The following FOXK1 variants were observed in gnomAD, a reference collection of about 807,000 sequenced individuals.
The protein encoded by FOXK1 is forkhead box protein K1.
In FOXK1, 19 loss-of-function variants were observed where a neutral mutation model predicts 51.9. The observed-to-expected ratio is 0.37, with a 90% CI of 0.26 to 0.54. The LOEUF (loss-of-function observed/expected upper bound fraction) is 0.54. FOXK1 is among the 20% of genes least tolerant of loss of function. The pLI is 0.87. For synonymous variants in FOXK1, 537 were observed against 482.6 expected (o/e 1.11, Z -1.48); for missense variants, 870 against 1,032.7 (o/e 0.84, Z 2.16).
chr7:4,718,160 A>G (rs1583193419), intron 1 of FOXK1, among the ~76,000 whole-genome samples: 1 of 152,176 alleles, frequency 6.6e-6, no homozygotes, highest in Non-Finnish European at 1.5e-5. Flanking sequence ...TGCACAGCCC[A>G]CCAGCCTCCT....
At position 4,688,713 on chromosome 7, in the gene FOXK1, T is replaced by A. The variant is rs10234157; in HGVS notation, c.560+5845T>A. 4.2e-3 allele frequency among the ~76,000 whole-genome samples: 637 copies of A among 152,254 alleles called. 5 individuals carry two copies. Among genetic ancestry groups the A allele is most frequent in the African/African-American group, 0.015 (603 of 41,546 alleles). ...TTTTTTCTCATGGAGTCACTTGTCC[T>A]GTGTAGTTCCCCACACCTGCCTTTA... On this transcript the variant is annotated intron_variant, in intron 1 of 8. Coordinates refer to ENST00000328914, the MANE Select transcript of FOXK1 (RefSeq NM_001037165.2).
In FOXK1 at chr7:4,753,511, G is replaced by A. The variant is rs1267204834; in HGVS notation, c.747-948G>A. Among the ~76,000 whole-genome samples, 7 of 152,290 alleles carry A rather than the reference G, an allele frequency of 4.6e-5. No individual in the cohort carries two copies. In the East Asian group the frequency reaches 9.6e-4, roughly 21 times the overall value. On this transcript the variant is annotated intron_variant, in intron 2 of 8. Transcript: ENST00000328914. The surrounding 1 kb of genome is among the most constrained non-coding windows in gnomAD (Gnocchi z 4.9). ...GGGGGCTCTAAGTCAGCTGAGAGGG[G>A]GGATGTCAGCATCACAGGTGGGCAG...
At chr7:4,697,625 T>C (rs911353804) in intron 1 of FOXK1, among the ~76,000 whole-genome samples, 1 of 152,176 alleles carries the variant, frequency 6.6e-6, no homozygotes, top group Non-Finnish European at 1.5e-5. Context: ...CACCTTTTAT[T>C]ACCAATTTCT....
Position 4,707,115 on chromosome 7 carries a change from G to A in FOXK1, c.560+24247G>A, listed in dbSNP as rs118107460. ...CACCTTCCAGTCTTAGAGAAGCAGC[G>A]ATGTCTCCCCTCCGGGTTTCCCATG... is the stretch of plus-strand genomic sequence containing the variant. On this transcript the variant is annotated intron_variant, in intron 1 of 8. Coordinates refer to ENST00000328914, the MANE Select transcript of FOXK1 (RefSeq NM_001037165.2). This position sits in a 1 kb window ranked among gnomAD's most constrained non-coding sequence, Gnocchi z 4.1. 0.017 allele frequency among the ~76,000 whole-genome samples: 2,534 copies of A among 152,342 alleles called. 29 individuals are homozygous for A. The highest frequency in any genetic ancestry group is 0.025 in the Non-Finnish European group (1,697 of 68,034).
chr7:4,716,507 CAA>C (rs201379872), intron 1 of FOXK1, among the ~76,000 whole-genome samples: 2 of 149,696 alleles, frequency 1.3e-5, no homozygotes, highest in African/African-American at 2.5e-5. Context: ...CCCTGTGTCC[CAA>C]AAAAAAAGAG....
chr7:4,687,449 C>T (rs558435955), intron 1 of FOXK1, among the ~76,000 whole-genome samples: 14 of 151,868 alleles, frequency 9.2e-5, no homozygotes, highest in Admixed American at 2.6e-4. Flanking sequence ...CACGTCACCA[C>T]GCCTGGCTAA....
rs1021700566 is a variant in FOXK1 at position 4,707,374 on chromosome 7, A to C, written c.560+24506A>C. Among the ~76,000 whole-genome samples, 1 of 152,224 alleles carries C rather than the reference A, an allele frequency of 6.6e-6. No individual in the cohort carries two copies. Among genetic ancestry groups the C allele is most frequent in the African/African-American group, 2.4e-5 (1 of 41,462 alleles). On this transcript the variant is annotated intron_variant, in intron 1 of 8. Transcript: ENST00000328914. The surrounding 1 kb of genome is among the most constrained non-coding windows in gnomAD (Gnocchi z 4.1). ...GACGGAGAGTGCAATTTACATAACA[A>C]TTAAGCTAGTTTAGTACATCCGGCA...
intron 1 of FOXK1, among the ~76,000 whole-genome samples, chr7:4,701,797 G>T (rs1338292820): frequency 1.3e-5 from 2 of 152,254 alleles, no homozygotes; most frequent in Non-Finnish European, 2.9e-5. Flanking sequence ...GGAGGCTGAG[G>T]CAGGAGAATG....
intron 1 of FOXK1, among the ~76,000 whole-genome samples, chr7:4,708,663 G>A (rs2115039757): frequency 1.3e-5 from 2 of 152,308 alleles, no homozygotes; most frequent in Middle Eastern, 6.8e-3. Context: ...TGCAGCAGGC[G>A]GGAGGCTGTT....
rs1003079721 is a variant in FOXK1, at chr7:4,743,200, T to A, written c.746+2177T>A. 2.0e-5 allele frequency among the ~76,000 whole-genome samples: 3 copies of A among 152,226 alleles called. No individual in the cohort carries two copies. The East Asian group carries it at 5.8e-4, about 29-fold the overall frequency. Reference sequence around the variant, plus strand: ...GTAGTCCATACAGCTTTGAGAATGTTCCAGAAGTAGATAGTGGTGATGGTT... The same window carrying A: ...GTAGTCCATACAGCTTTGAGAATGTACCAGAAGTAGATAGTGGTGATGGTT... On this transcript the variant is annotated intron_variant, in intron 2 of 8. Transcript: ENST00000328914. The surrounding 1 kb of genome is among the most constrained non-coding windows in gnomAD (Gnocchi z 5.3).
At chr7:4,700,029 G>T (rs1191808904) in intron 1 of FOXK1, among the ~76,000 whole-genome samples, 1 of 152,160 alleles carries the variant, frequency 6.6e-6, no homozygotes, top group Non-Finnish European at 1.5e-5. Context: ...CGCCTGTGAA[G>T]CGTTTCAGAG....
Position 4,758,913 on chromosome 7 carries a change from AC to A in FOXK1, c.1245-136del. 1.1e-6 allele frequency: 1 copy of A among 913,692 alleles called. No homozygotes were observed. Among genetic ancestry groups the A allele is most frequent in the East Asian group, 2.7e-5 (1 of 37,546 alleles). The allele number at this position is 913,692 out of a possible 1,614,324, so 56.6% of individuals were successfully genotyped here. A position where few individuals can be genotyped will look rare whatever the true frequency, so the allele number is the denominator to read the frequency against. ...GGTTCAGGTTACGGGGGCGTTTCTC[AC>A]CGTCTGAATGCGGAGGACAGAGACG... is the stretch of plus-strand genomic sequence containing the variant. On this transcript the variant is annotated intron_variant, in intron 5 of 8. Coordinates refer to ENST00000328914, the MANE Select transcript of FOXK1 (RefSeq NM_001037165.2). This position sits in a 1 kb window ranked among gnomAD's most constrained non-coding sequence, Gnocchi z 4.4.
Position 4,682,497 on chromosome 7 carries a change from C to G in FOXK1, c.189C>G (p.Gly63=). Residue 63 remains glycine, a synonymous_variant, in exon 1 of 9, where the codon GGC becomes GGG. Transcript: ENST00000328914. This position sits in a 1 kb window ranked among gnomAD's most constrained non-coding sequence, Gnocchi z 7.6. ...CGCCGCCACCGCCGCTGCCTCCGGG[C>G]GCGATCGCGGGCGCGGGCTCCTCCG... The part of the protein sequence containing the change: ...PPPPPPPLPP[G]AIAGAGSSGG... 1 of 1,024,356 alleles carries G rather than the reference C, an allele frequency of 9.8e-7. No individual in the cohort carries two copies. The highest frequency in any genetic ancestry group is 9.0e-5 in the East Asian group (1 of 11,116). The allele number at this position is 1,024,356 out of a possible 1,614,324, so 63.5% of individuals were successfully genotyped here. A position where few individuals can be genotyped will look rare whatever the true frequency, so the allele number is the denominator to read the frequency against.
intron 2 of FOXK1, among the ~76,000 whole-genome samples, chr7:4,751,515 C>T (rs1780777358): frequency 1.3e-5 from 2 of 152,220 alleles, no homozygotes; most frequent in Non-Finnish European, 2.9e-5. Context: ...GGGCACTTTA[C>T]AGCTCTTAGC....
chr7:4,691,721 C>G (rs976961610), intron 1 of FOXK1, among the ~76,000 whole-genome samples: 4 of 152,150 alleles, frequency 2.6e-5, no homozygotes, highest in Non-Finnish European at 1.5e-5. Context: ...GGTGAACTGT[C>G]TTCCATCTGT....
At chr7:4,720,922 G>GA (rs537322235) in intron 1 of FOXK1, among the ~76,000 whole-genome samples, 6,036 of 147,518 alleles carry the variant, frequency 0.041, 200 homozygotes, top group Middle Eastern at 0.09. Context: ...ATCCATAAAA[G>GA]AAAAAAAAAA....
chr7:4,684,849 A>T (rs1204186462), intron 1 of FOXK1, among the ~76,000 whole-genome samples: 4 of 151,970 alleles, frequency 2.6e-5, no homozygotes, highest in Non-Finnish European at 4.4e-5. Context: ...TTTGTAATTC[A>T]AGGGGAAAAA....
At position 4,755,590 on chromosome 7, in the gene FOXK1, AG is replaced by A. The variant is rs1161909760; in HGVS notation, c.1050+208del. On this transcript the variant is annotated intron_variant, in intron 4 of 8. Transcript: ENST00000328914. This position sits in a 1 kb window ranked among gnomAD's most constrained non-coding sequence, Gnocchi z 6.6. ...CCTCTTTTCTACTAAAAATTAGCTG[AG>A]TGTGGTGGTGCACACCTGTGGTCGC... is the stretch of plus-strand genomic sequence containing the variant. Among the ~76,000 whole-genome samples the A allele has an allele frequency of 6.6e-6, 1 of 152,048 alleles. No individual in the cohort carries two copies. The highest frequency in any genetic ancestry group is 1.5e-5 in the Non-Finnish European group (1 of 68,012).
intron 1 of FOXK1, among the ~76,000 whole-genome samples, chr7:4,699,588 G>A (rs563174008): frequency 1.1e-4 from 16 of 151,920 alleles, no homozygotes; most frequent in African/African-American, 2.9e-4. Context: ...GGCTGGTCTC[G>A]AACTCCTGGC....
Sources: gnomAD v4.1 joint callset for allele counts (sites outside exome capture counted in the v4.1 genomes callset) on GRCh38, gnomAD v4.1.1 for gene constraint, Gnocchi (gnomAD v3.1) non-coding constraint, MANE v1.5 for transcripts, NCBI Gene and HGNC (gene_info 2026-07-23, HGNC 2026-07-21) for gene names.